RBM14: variants seen among roughly 807,000 people sequenced by gnomAD.
RBM14 encodes the protein RNA-binding protein 14.
RBM14 carries 5 observed loss-of-function variants against 52.8 expected under a neutral mutation model. The observed-to-expected ratio is 0.09, with a 90% CI of 0.05 to 0.20. RBM14 has a LOEUF of 0.20. Ranked by LOEUF, RBM14 falls within the 10% of genes least tolerant of loss-of-function variation. The probability of loss-of-function intolerance (pLI) is 1.00; values close to 1 mark genes in which losing one functional copy is unlikely to be tolerated. For missense variants in RBM14, 780 were observed against 926.6 expected (o/e 0.84, Z 2.05); for synonymous variants, 411 against 401.8 (o/e 1.02, Z -0.28).
In RBM14 at chr11:66,624,492, A is replaced by T. The variant is rs757217679; in HGVS notation, c.616A>T (p.Thr206Ser). 6.2e-7 allele frequency: 1 copy of T among 1,612,980 alleles called. No homozygotes were observed. Among genetic ancestry groups the T allele is most frequent in the South Asian group, 1.1e-5 (1 of 91,056 alleles). ...GGFDGQARQP[T>S]PPFFGRDRSP... is the part of the protein sequence containing the mutation. Reference sequence around the variant, plus strand: ...CTTTGATGGGCAAGCCCGTCAGCCCACACCACCCTTCTTTGGTCGCGACCG... The same window carrying T: ...CTTTGATGGGCAAGCCCGTCAGCCCTCACCACCCTTCTTTGGTCGCGACCG... The change falls in exon 2 of 3, where the codon ACA becomes TCA. Residue 206 changes from threonine to serine, a missense_variant. By Grantham distance (58) the Thr-to-Ser change is moderately conservative. Around this residue, in one of 4 missense-constraint regions of RBM14, gnomAD observed 675 missense variants for 697.3 expected, o/e 0.97. Transcript: ENST00000310137. This position sits in a 1 kb window ranked among gnomAD's most constrained non-coding sequence, Gnocchi z 4.7.
rs749937857 is a variant in RBM14 at position 66,625,672 on chromosome 11, C to G, written c.1796C>G (p.Ser599Trp). ...CCCTACAAAAAGGCTGTCGCCATGT[C>G]GAAAAGGTACTGTATGCCCCCCCGC... is the stretch of plus-strand genomic sequence containing the variant. The part of the protein sequence containing the change: ...DDPYKKAVAM[S>W]KRYGSDRRLA... Residue 599 changes from serine to tryptophan, a missense_variant, in exon 2 of 3, where the codon TCG (serine) becomes TGG (tryptophan). This residue lies in a region of RBM14 where 675 missense variants were observed against 697.3 expected (regional missense o/e 0.97). Coordinates refer to ENST00000310137, the MANE Select transcript of RBM14 (RefSeq NM_006328.4). This position sits in a 1 kb window ranked among gnomAD's most constrained non-coding sequence, Gnocchi z 4.2. 1 of 1,606,554 alleles carries G rather than the reference C, an allele frequency of 6.2e-7. No homozygotes were observed. Among genetic ancestry groups the G allele is most frequent in the Admixed American group, 1.7e-5 (1 of 59,770 alleles).
At position 66,626,447 on chromosome 11, in the gene RBM14, C is replaced by T. The variant is rs1327047392; in HGVS notation, c.1803-14C>T. ...AATTGTCTCATTCACCAACTGTCTT[C>T]TTCTCTCGACTAGGTATGGTTCCGA... On this transcript the variant is annotated splice_polypyrimidine_tract_variant and intron_variant, in intron 2 of 2. Transcript: ENST00000310137. 6.2e-7 allele frequency: 1 copy of T among 1,607,044 alleles called. No individual in the cohort carries two copies. The highest frequency in any genetic ancestry group is 1.1e-5 in the South Asian group (1 of 90,982).
chr11:66,624,181 T>A lies in RBM14; in HGVS notation c.338-33T>A. 1 of 1,546,806 alleles carries A rather than the reference T, an allele frequency of 6.5e-7. No individual in the cohort carries two copies. The highest frequency in any genetic ancestry group is 8.7e-7 in the Non-Finnish European group (1 of 1,144,242). Reference sequence around the variant, plus strand: ...CATCAGGTAGCATGCCCTGCCCCCCTAATTGCTAACCCTCTGTCTGCTGCT... The same window carrying A: ...CATCAGGTAGCATGCCCTGCCCCCCAAATTGCTAACCCTCTGTCTGCTGCT... On this transcript the variant is annotated intron_variant, in intron 1 of 2. Coordinates refer to ENST00000310137, the MANE Select transcript of RBM14 (RefSeq NM_006328.4). The surrounding 1 kb of genome is among the most constrained non-coding windows in gnomAD (Gnocchi z 4.7).
chr11:66,621,240 A>G (rs1859096528), intron 1 of RBM14, among the ~76,000 whole-genome samples: 1 of 151,778 alleles, frequency 6.6e-6, no homozygotes, highest in East Asian at 1.9e-4. Flanking sequence ...AGCTTACTCT[A>G]TTCAAAGTGG....
In RBM14 at chr11:66,626,929, T is replaced by C. The variant is rs1375655708; in HGVS notation, c.*261T>C. ...TACCCTGCCTCCCGTCTCCCCAGAA[T>C]GGGAATTTCTTTTATGTTTTTATTT... On this transcript the variant is annotated 3_prime_UTR_variant, in exon 3 of 3. Coordinates refer to ENST00000310137, the MANE Select transcript of RBM14 (RefSeq NM_006328.4). 2.6e-6 allele frequency: 1 copy of C among 379,364 alleles called. No individual in the cohort carries two copies. Among genetic ancestry groups the C allele is most frequent in the Non-Finnish European group, 4.7e-6 (1 of 213,276 alleles). 23.5% of individuals were successfully genotyped at this position (379,364 alleles called of 1,614,324 possible). A position where few individuals can be genotyped will look rare whatever the true frequency, so the allele number is the denominator to read the frequency against.
chr11:66,626,652 A>G lies in RBM14; in HGVS notation c.1994A>G (p.Tyr665Cys), dbSNP rs745499721. Reference sequence around the variant, plus strand: ...CGGGCGGCTCAGATGCACTCTGGCTACCAGCGCCGCATGTAGGGCCATCCT... The same window carrying G: ...CGGGCGGCTCAGATGCACTCTGGCTGCCAGCGCCGCATGTAGGGCCATCCT... ...YLRAAQMHSGYQRRM is the reference protein window; with the variant it reads ...YLRAAQMHSGCQRRM The change falls in exon 3 of 3, where the codon TAC becomes TGC. Residue 665 changes from tyrosine to cysteine, a missense_variant. Tyr to Cys is a radical substitution (Grantham distance 194). Around this residue, in one of 4 missense-constraint regions of RBM14, gnomAD observed 675 missense variants for 697.3 expected, o/e 0.97. Coordinates refer to ENST00000310137, the MANE Select transcript of RBM14 (RefSeq NM_006328.4). 6.2e-6 allele frequency: 10 copies of G among 1,608,668 alleles called. No individual in the cohort carries two copies. The highest frequency in any genetic ancestry group is 2.2e-5 in the East Asian group (1 of 44,840).
rs753805210 is a variant in RBM14, at chr11:66,629,924, GAAAA to G, written c.*3263_*3266del. On this transcript the variant is annotated 3_prime_UTR_variant, in exon 3 of 3. Transcript: ENST00000310137. Reference sequence around the variant, plus strand: ...AGACCTTGTCTCTACCAAAAGAAAAGAAAAAAAAAAGCCAGCTGTGGTGGCATGC... The same window carrying G: ...AGACCTTGTCTCTACCAAAAGAAAAGAAAAAAGCCAGCTGTGGTGGCATGC... Among the ~76,000 whole-genome samples, 1 of 88,204 alleles carries G rather than the reference GAAAA, an allele frequency of 1.1e-5. No individual in the cohort carries two copies. The highest frequency in any genetic ancestry group is 3.4e-5 in the African/African-American group (1 of 29,432). The allele number at this position is 88,204 out of a possible 152,430, so 57.9% of individuals were successfully genotyped here. A position where few individuals can be genotyped will look rare whatever the true frequency, so the allele number is the denominator to read the frequency against.
Position 66,624,537 on chromosome 11 carries a change from C to G in RBM14, c.661C>G (p.Pro221Ala). 1 of 1,613,218 alleles carries G rather than the reference C, an allele frequency of 6.2e-7. No individual in the cohort carries two copies. The highest frequency in any genetic ancestry group is 8.5e-7 in the Non-Finnish European group (1 of 1,179,992). The change falls in exon 2 of 3, where the codon CCT (proline) becomes GCT (alanine). Residue 221 changes from proline to alanine, a missense_variant. Around this residue, in one of 4 missense-constraint regions of RBM14, gnomAD observed 675 missense variants for 697.3 expected, o/e 0.97. Transcript: ENST00000310137. This position sits in a 1 kb window ranked among gnomAD's most constrained non-coding sequence, Gnocchi z 4.7. Reference protein sequence around the residue: ...GRDRSPLRRSPPRASYVAPLT... With the variant: ...GRDRSPLRRSAPRASYVAPLT... ...CGACCGCAGCCCTCTGCGCCGTTCA[C>G]CTCCCCGAGCCTCTTATGTGGCTCC... is the stretch of plus-strand genomic sequence containing the variant.
Position 66,618,629 on chromosome 11 carries a change from T to G in RBM14, c.337+1572T>G, listed in dbSNP as rs1858955969. On this transcript the variant is annotated intron_variant, in intron 1 of 2. Coordinates refer to ENST00000310137, the MANE Select transcript of RBM14 (RefSeq NM_006328.4). Reference sequence around the variant, plus strand: ...GGGAGGGTCTCAGATTGGGTACTTGTCCAGCAAAAGGGTGGGGTATATGAG... The same window carrying G: ...GGGAGGGTCTCAGATTGGGTACTTGGCCAGCAAAAGGGTGGGGTATATGAG... 10 of 713,464 alleles carry G rather than the reference T, an allele frequency of 1.4e-5. No individual in the cohort carries two copies. The Admixed American group carries it at 2.0e-4, about 14-fold the overall frequency. 44.2% of individuals were successfully genotyped at this position (713,464 alleles called of 1,614,324 possible). A position where few individuals can be genotyped will look rare whatever the true frequency, so the allele number is the denominator to read the frequency against.
rs906051258 is a variant in RBM14 at position 66,616,655 on chromosome 11, T to C, written c.-66T>C. On this transcript the variant is annotated 5_prime_UTR_variant, in exon 1 of 3. Coordinates refer to ENST00000310137, the MANE Select transcript of RBM14 (RefSeq NM_006328.4). ...ATTCCTGAGGAGGACTGCCGGTCGT[T>C]CGGACGTCTTGCCTGTCGCTGGAGG... 3 of 1,501,556 alleles carry C rather than the reference T, an allele frequency of 2.0e-6. No individual in the cohort carries two copies. Among genetic ancestry groups the C allele is most frequent in the African/African-American group, 2.8e-5 (2 of 71,260 alleles). 93.0% of individuals were successfully genotyped at this position (1,501,556 alleles called of 1,614,324 possible). A position where few individuals can be genotyped will look rare whatever the true frequency, so the allele number is the denominator to read the frequency against.
chr11:66,628,201 G>T lies in RBM14; in HGVS notation c.*1533G>T, dbSNP rs1435386246. Among the ~76,000 whole-genome samples, 2 of 152,134 alleles carry T rather than the reference G, an allele frequency of 1.3e-5. No homozygotes were observed. Among genetic ancestry groups the T allele is most frequent in the African/African-American group, 4.8e-5 (2 of 41,432 alleles). The stretch of plus-strand genomic sequence containing the variant: ...CAAAAAATATGACATTTCCAACCAG[G>T]GACAAAATGGAGGCTTGGGCTTAGT... On this transcript the variant is annotated 3_prime_UTR_variant, in exon 3 of 3. Coordinates refer to ENST00000310137, the MANE Select transcript of RBM14 (RefSeq NM_006328.4).
Position 66,624,561 on chromosome 11 carries a change from C to G in RBM14, c.685C>G (p.Pro229Ala). The G allele has an allele frequency of 6.2e-7, 1 of 1,612,734 alleles. No individual in the cohort carries two copies. The highest frequency in any genetic ancestry group is 8.5e-7 in the Non-Finnish European group (1 of 1,180,016). The change falls in exon 2 of 3, where the codon CCT (proline) becomes GCT (alanine). Residue 229 changes from proline to alanine, a missense_variant. Transcript: ENST00000310137. This position sits in a 1 kb window ranked among gnomAD's most constrained non-coding sequence, Gnocchi z 4.7. The part of the protein sequence containing the change: ...RSPPRASYVA[P>A]LTAQPATYRA... The stretch of plus-strand genomic sequence containing the variant: ...ACCTCCCCGAGCCTCTTATGTGGCT[C>G]CTCTGACGGCCCAGCCAGCTACCTA...
In RBM14 at chr11:66,625,662, G is replaced by T; in HGVS notation, c.1786G>T (p.Val596Phe). 6.2e-7 allele frequency: 1 copy of T among 1,610,414 alleles called. No homozygotes were observed. The change falls in exon 2 of 3, where the codon GTC becomes TTC. Residue 596 changes from valine (V) to phenylalanine (F), a missense_variant. Around this residue, in one of 4 missense-constraint regions of RBM14, gnomAD observed 675 missense variants for 697.3 expected, o/e 0.97. Transcript: ENST00000310137. This position sits in a 1 kb window ranked among gnomAD's most constrained non-coding sequence, Gnocchi z 4.2. ...ASYDDPYKKA[V>F]AMSKRYGSDR... is the part of the protein sequence containing the mutation. ...CTACGACGATCCCTACAAAAAGGCT[G>T]TCGCCATGTCGAAAAGGTACTGTAT...
intron 1 of RBM14, among the ~76,000 whole-genome samples, chr11:66,620,258 G>A (rs888914095): frequency 6.6e-6 from 1 of 151,848 alleles, no homozygotes; most frequent in African/African-American, 2.4e-5. Context: ...GGTTATAATT[G>A]TATCAGATGG....
At chr11:66,619,715 C>T (rs1181572477) in intron 1 of RBM14, among the ~76,000 whole-genome samples, 2 of 151,842 alleles carry the variant, frequency 1.3e-5, no homozygotes, top group Non-Finnish European at 2.9e-5. Context: ...TACAGGCGCC[C>T]GCCACCACAC....
chr11:66,619,431 A>G (rs2135005090), intron 1 of RBM14: 1 of 152,326 alleles, frequency 6.6e-6, no homozygotes, highest in Admixed American at 6.5e-5. Context: ...AAAGATGAAC[A>G]GCTTCCGGAA....
rs1937885914 is a variant in RBM14 at position 66,627,860 on chromosome 11, G to A, written c.*1192G>A. Among the ~76,000 whole-genome samples, 1 of 152,152 alleles carries A rather than the reference G, an allele frequency of 6.6e-6. No individual in the cohort carries two copies. Among genetic ancestry groups the A allele is most frequent in the Non-Finnish European group, 1.5e-5 (1 of 68,034 alleles). On this transcript the variant is annotated 3_prime_UTR_variant, in exon 3 of 3. Transcript: ENST00000310137. ...GTTGCCTGATACTGCCCTATGGTTGGAATAAGGAAGGGCAGAGAAAACTTG... is the reference window on the plus strand; with the variant it reads ...GTTGCCTGATACTGCCCTATGGTTGAAATAAGGAAGGGCAGAGAAAACTTG...
rs1937680337 is a variant in RBM14 at position 66,624,180 on chromosome 11, CT to C, written c.338-33del. The C allele has an allele frequency of 2.6e-6, 4 of 1,546,354 alleles. No homozygotes were observed. The highest frequency in any genetic ancestry group is 3.5e-6 in the Non-Finnish European group (4 of 1,144,126). Reference sequence around the variant, plus strand: ...CCATCAGGTAGCATGCCCTGCCCCCCTAATTGCTAACCCTCTGTCTGCTGCT... The same window carrying C: ...CCATCAGGTAGCATGCCCTGCCCCCCAATTGCTAACCCTCTGTCTGCTGCT... On this transcript the variant is annotated intron_variant, in intron 1 of 2. Transcript: ENST00000310137. The surrounding 1 kb of genome is among the most constrained non-coding windows in gnomAD (Gnocchi z 4.7).
rs1000260185 is a variant in RBM14, at chr11:66,628,146, T to C, written c.*1478T>C. Among the ~76,000 whole-genome samples, 1 of 152,140 alleles carries C rather than the reference T, an allele frequency of 6.6e-6. No individual in the cohort carries two copies. The highest frequency in any genetic ancestry group is 1.5e-5 in the Non-Finnish European group (1 of 68,026). ...GGAATTGAGGACTCTTCTGTGCTTT[T>C]ATTGTAGGGCTGGGGATCGAGGATC... On this transcript the variant is annotated 3_prime_UTR_variant, in exon 3 of 3. Coordinates refer to ENST00000310137, the MANE Select transcript of RBM14 (RefSeq NM_006328.4).
Sources: gnomAD v4.1 joint callset for allele counts (sites outside exome capture counted in the v4.1 genomes callset) on GRCh38, gnomAD v4.1.1 for gene constraint, gnomAD v4.1.1 regional missense constraint, Gnocchi (gnomAD v3.1) non-coding constraint, MANE v1.5 for transcripts, NCBI Gene and HGNC (gene_info 2026-07-23, HGNC 2026-07-21) for gene names.